ENPP2: variants seen among roughly 807,000 people sequenced by gnomAD.
ENPP2 encodes autotaxin.
Under a neutral mutation model 120.2 loss-of-function variants are expected in ENPP2, and 51 were observed. The observed-to-expected ratio is 0.42, with a 90% CI of 0.34 to 0.54. ENPP2 has a LOEUF of 0.54. Ranked by LOEUF, ENPP2 falls within the 20% of genes least tolerant of loss-of-function variation. ENPP2 has a pLI of 0.04. For missense variants in ENPP2, 920 were observed against 1,066.5 expected (o/e 0.86, Z 1.91); for synonymous variants, 365 against 366.4 (o/e 1.00, Z 0.04).
At position 119,648,799 on chromosome 8, in the gene ENPP2, G is replaced by C. The variant is rs60654926; in HGVS notation, c.22-10272C>G. On this transcript the variant is annotated intron_variant, in intron 1 of 25. Coordinates refer to the ENPP2 transcript ENST00000427067. ...CATATTTAATGGTGAAAGACTGAAT[G>C]CTTTCCCCTAAGATCAGGAGCAAGA... Among the ~76,000 whole-genome samples the C allele has an allele frequency of 3.3e-3, 506 of 152,308 alleles. 3 individuals are homozygous for C. The highest frequency in any genetic ancestry group is 0.012 in the African/African-American group (490 of 41,554).
intron 24 of ENPP2, 54 bp from the exon 25 acceptor site, chr8:119,557,745 C>T: frequency 1.4e-6 from 2 of 1,459,574 alleles, no homozygotes; most frequent in Non-Finnish European, 1.8e-6. Flanking sequence ...GGAGTTTCTC[C>T]AAATGGTCAG....
At chr8:119,564,687 T>A (rs13252721) in intron 23 of ENPP2, 136 bp downstream of exon 23, 97,380 of 286,478 alleles carry the variant, frequency 0.34, 17,947 homozygotes, top group South Asian at 0.5. Context: ...CAAAAAAATA[T>A]ATATATATAT....
chr8:119,572,111 AT>A, intron 19 of ENPP2: 1 of 872,680 alleles, frequency 1.1e-6, no homozygotes, highest in South Asian at 1.5e-5. Flanking sequence ...ACACCAGCAA[AT>A]CGTAACAGTA....
intron 24 of ENPP2, among the ~76,000 whole-genome samples, chr8:119,562,178 C>T (rs1814017035): frequency 6.6e-6 from 1 of 151,600 alleles, no homozygotes; most frequent in Non-Finnish European, 1.5e-5. Context: ...CACAATGGCT[C>T]ATGCCTATAA....
chr8:119,561,787 TTGTGTG>T (rs146680195), intron 24 of ENPP2, among the ~76,000 whole-genome samples: 17 of 149,138 alleles, frequency 1.1e-4, no homozygotes, highest in African/African-American at 3.9e-4. Flanking sequence ...TGCTCTTGCT[TTGTGTG>T]TGTGTGTGTG....
chr8:119,558,865 T>C (rs926783380), intron 24 of ENPP2, among the ~76,000 whole-genome samples: 7 of 152,052 alleles, frequency 4.6e-5, no homozygotes, highest in Non-Finnish European at 1.0e-4. Flanking sequence ...CCACCAGTGG[T>C]CTCAGTGAAC....
chr8:119,559,608 C>T (rs1265767210), intron 24 of ENPP2, among the ~76,000 whole-genome samples: 1 of 152,138 alleles, frequency 6.6e-6, no homozygotes, highest in East Asian at 1.9e-4. Flanking sequence ...CGCTGGCAAT[C>T]CACAGAAGCA....
At chr8:119,618,450 T>C (rs1815632588) in intron 5 of ENPP2, 4 of 417,718 alleles carry the variant, frequency 9.6e-6, no homozygotes, top group Non-Finnish European at 1.9e-5. Flanking sequence ...ACAAAAATTC[T>C]CTTGCCTTTT....
At chr8:119,600,201 C>A (rs113570059) in intron 11 of ENPP2, among the ~76,000 whole-genome samples, 2 of 152,114 alleles carry the variant, frequency 1.3e-5, no homozygotes, top group East Asian at 1.9e-4. Flanking sequence ...ATAACTTATG[C>A]CAAGTTGATT....
At chr8:119,628,997 T>C (rs969737978) in intron 2 of ENPP2, among the ~76,000 whole-genome samples, 5 of 152,212 alleles carry the variant, frequency 3.3e-5, no homozygotes, top group African/African-American at 1.2e-4. Flanking sequence ...TTTTGTTTGC[T>C]TACTTACTTT....
intron 19 of ENPP2, among the ~76,000 whole-genome samples, chr8:119,577,738 A>G (rs1238723430): frequency 2.6e-5 from 4 of 152,242 alleles, no homozygotes; most frequent in Non-Finnish European, 5.9e-5. Context: ...GCCATGAATT[A>G]GAAACTCTCA....
intron 19 of ENPP2, among the ~76,000 whole-genome samples, chr8:119,577,649 G>T (rs1812433582): frequency 6.6e-6 from 1 of 152,170 alleles, no homozygotes. Context: ...AAATGTTGGT[G>T]CCACTAGGCC....
At chr8:119,629,457 C>G (rs1411218914) in intron 2 of ENPP2, among the ~76,000 whole-genome samples, 1 of 152,046 alleles carries the variant, frequency 6.6e-6, no homozygotes, top group African/African-American at 2.4e-5. Context: ...CTAGGTTCAC[C>G]CAAGCCATTT....
intron 19 of ENPP2, among the ~76,000 whole-genome samples, chr8:119,573,407 T>TAAAAAAAAAAAAAAA (rs1563680979): frequency 8.4e-5 from 6 of 71,496 alleles, no homozygotes; most frequent in African/African-American, 3.6e-4. Flanking sequence ...GCTCCGTCTC[T>TAAAAAAAAAAAAAAA]TAAAAAAAAA....
At chr8:119,642,957 A>G (rs1817326296), upstream of ENPP2, among the ~76,000 whole-genome samples, 6 of 152,186 alleles carry the variant, frequency 3.9e-5, no homozygotes, top group Admixed American at 3.9e-4. Context: ...TTGAAACTGT[A>G]TCTACACCCA....
In ENPP2 at chr8:119,590,520, T is replaced by A; in HGVS notation, c.1192A>T (p.Ser398Cys). ...ATCAACTTACATTTAGCATTGTTGCTAAATTTGGATCGAATTCTTCCTAGA... is the reference window on the plus strand; with the variant it reads ...ATCAACTTACATTTAGCATTGTTGCAAAATTTGGATCGAATTCTTCCTAGA... ...GTLGRIRSKF[S>C]NNAKYDPKAI... The change falls in exon 13 of 25, where the codon AGC (serine) becomes TGC (cysteine). Residue 398 changes from serine (S) to cysteine (C), a missense_variant. Physicochemically the swap from Ser to Cys is moderately radical, Grantham distance 112. Transcript: ENST00000075322. 6.3e-7 allele frequency: 1 copy of A among 1,598,444 alleles called. No homozygotes were observed. Among genetic ancestry groups the A allele is most frequent in the Non-Finnish European group, 8.5e-7 (1 of 1,173,548 alleles).
At chr8:119,632,225 G>A (rs1196425239) in intron 2 of ENPP2, among the ~76,000 whole-genome samples, 1 of 152,166 alleles carries the variant, frequency 6.6e-6, no homozygotes, top group African/African-American at 2.4e-5. Context: ...GATGAAAACT[G>A]AAACATCAAC....
chr8:119,640,749 GTTTA>G (rs1563766437), upstream of ENPP2, among the ~76,000 whole-genome samples: 2 of 151,830 alleles, frequency 1.3e-5, no homozygotes, highest in Admixed American at 6.6e-5. Context: ...GTTTTTGTTT[GTTTA>G]TTTGTTTATT....
chr8:119,559,131 A>G (rs1165269800), intron 24 of ENPP2, among the ~76,000 whole-genome samples: 1 of 152,162 alleles, frequency 6.6e-6, no homozygotes, highest in Non-Finnish European at 1.5e-5. Flanking sequence ...TCTGCGATTC[A>G]CAGGAAAGGA....
Sources: gnomAD v4.1 joint callset for allele counts (sites outside exome capture counted in the v4.1 genomes callset) on GRCh38, gnomAD v4.1.1 for gene constraint, MANE v1.5 for transcripts, NCBI Gene and HGNC (gene_info 2026-07-23, HGNC 2026-07-21) for gene names.